COPS2: variants seen among roughly 807,000 people sequenced by gnomAD.
COPS2 encodes COP9 signalosome complex subunit 2.
Under a neutral mutation model 66.1 loss-of-function variants are expected in COPS2, and 10 were observed. The observed-to-expected ratio is 0.15, with a 90% CI of 0.09 to 0.26. COPS2 has a LOEUF of 0.26. Ranked by LOEUF, COPS2 falls within the 10% of genes least tolerant of loss-of-function variation. The pLI is 1.00. For synonymous variants in COPS2, 179 were observed against 171.3 expected (o/e 1.04, Z -0.35); for missense variants, 215 against 513.3 (o/e 0.42, Z 5.62).
chr15:49,129,672 G>A (rs2084194926), intron 10 of COPS2, 113 bp from the exon 11 acceptor site: 2 of 448,782 alleles, frequency 4.5e-6, no homozygotes, highest in Non-Finnish European at 7.8e-6. Context: ...GCTTGGCAAT[G>A]ATATAAAGTG....
intron 5 of COPS2, 54 bp downstream of exon 5, chr15:49,137,294 T>C: frequency 3.2e-6 from 5 of 1,539,640 alleles, no homozygotes; most frequent in Non-Finnish European, 4.5e-6. Flanking sequence ...GGAGACTTTA[T>C]TAAAAACACC....
At chr15:49,145,130 C>G (rs768946226) in intron 1 of COPS2, 52 bp from the exon 2 acceptor site, 5 of 942,776 alleles carry the variant, frequency 5.3e-6, no homozygotes, top group Admixed American at 2.6e-5. Context: ...GAAACCCACA[C>G]GTAGCAACGT....
intron 4 of COPS2, among the ~76,000 whole-genome samples, chr15:49,138,227 C>G (rs2084267283): frequency 6.6e-6 from 1 of 152,298 alleles, no homozygotes; most frequent in Non-Finnish European, 1.5e-5. Context: ...CCTCTTCCCC[C>G]CGCTTCTGGC....
chr15:49,130,025 G>A (rs993922121), intron 10 of COPS2, among the ~76,000 whole-genome samples: 11 of 152,154 alleles, frequency 7.2e-5, no homozygotes, highest in African/African-American at 1.2e-4. Context: ...AAGATTCTAC[G>A]TTTTTCTATA....
In COPS2 at chr15:49,137,135, A is replaced by G; in HGVS notation, c.540+15T>C. The G allele has an allele frequency of 1.3e-6, 2 of 1,528,638 alleles. No individual in the cohort carries two copies. The highest frequency in any genetic ancestry group is 1.8e-6 in the Non-Finnish European group (2 of 1,131,122). 94.7% of individuals were successfully genotyped at this position (1,528,638 alleles called of 1,614,324 possible). The stretch of plus-strand genomic sequence containing the variant: ...ATTATGAAGAAATATTCAGAAAAAA[A>G]TAAGGGAAAGCTACCTGGCACGACT... On this transcript the variant is annotated intron_variant, in intron 6 of 12. Coordinates refer to ENST00000388901, the MANE Select transcript of COPS2 (RefSeq NM_004236.4).
At chr15:49,153,273 A>G (rs954175325) in intron 1 of COPS2, among the ~76,000 whole-genome samples, 1 of 151,996 alleles carries the variant, frequency 6.6e-6, no homozygotes, top group East Asian at 1.9e-4. Flanking sequence ...AAATATATAC[A>G]TGTGTAAATA....
chr15:49,132,700 T>A (rs1236032008), intron 9 of COPS2, among the ~76,000 whole-genome samples: 3 of 152,080 alleles, frequency 2.0e-5, no homozygotes, highest in African/African-American at 7.2e-5. Context: ...TATACTTTTT[T>A]AATGAATAAA....
rs2084152070 is a variant in COPS2 at position 49,124,784 on chromosome 15, A to G, written c.*3166T>C. ...TTCAAAAATCTAAATCAAAAGAGAA[A>G]TTTTCAGGTTTAAAAGTGACTAAAA... On this transcript the variant is annotated 3_prime_UTR_variant, in exon 13 of 13. Transcript: ENST00000388901. 2 of 152,150 alleles carry G rather than the reference A, an allele frequency of 1.3e-5. No individual in the cohort carries two copies. The highest frequency in any genetic ancestry group is 4.1e-4 in the South Asian group (2 of 4,824). 9.4% of individuals were successfully genotyped at this position (152,150 alleles called of 1,614,324 possible). A position where few individuals can be genotyped will look rare whatever the true frequency, so the allele number is the denominator to read the frequency against.
chr15:49,133,877 A>T, intron 8 of COPS2, 53 bp downstream of exon 8: 1 of 1,551,258 alleles, frequency 6.4e-7, no homozygotes, highest in East Asian at 2.3e-5. Flanking sequence ...AAAAGAAATA[A>T]CATTTATTTC....
At chr15:49,138,025 A>G (rs2141127339) in intron 4 of COPS2, among the ~76,000 whole-genome samples, 1 of 152,302 alleles carries the variant, frequency 6.6e-6, no homozygotes, top group East Asian at 1.9e-4. Flanking sequence ...TTCCCTCAAA[A>G]TTCTTCTATA....
chr15:49,153,042 A>G (rs1001384901), intron 1 of COPS2, among the ~76,000 whole-genome samples: 10 of 152,224 alleles, frequency 6.6e-5, no homozygotes, highest in African/African-American at 2.4e-4. Flanking sequence ...CAGTGCTAAT[A>G]AGTTATGTAT....
Position 49,129,552 on chromosome 15 carries a change from C to T in COPS2, c.1053G>A (p.Leu351=), listed in dbSNP as rs1235957363. 5.3e-6 allele frequency: 8 copies of T among 1,495,396 alleles called. No individual in the cohort carries two copies. The highest frequency in any genetic ancestry group is 8.9e-7 in the Non-Finnish European group (1 of 1,117,322). 92.6% of individuals were successfully genotyped at this position (1,495,396 alleles called of 1,614,324 possible). A position where few individuals can be genotyped will look rare whatever the true frequency, so the allele number is the denominator to read the frequency against. The change falls in exon 11 of 13, where the codon TTG becomes TTA. Residue 351 remains leucine, a synonymous_variant. Coordinates refer to ENST00000388901, the MANE Select transcript of COPS2 (RefSeq NM_004236.4). ...TAAGCACTTGTGTTCTGATGTTTCG[C>T]AAAAGCTCTGAAAGACAAAAAATTA... is the stretch of plus-strand genomic sequence containing the variant. ...PFIREHIEEL[L]RNIRTQVLIK...
At position 49,153,158 on chromosome 15, in the gene COPS2, G is replaced by A. The variant is rs77210707; in HGVS notation, c.54+2367C>T. On this transcript the variant is annotated intron_variant, in intron 1 of 12. Transcript: ENST00000388901. ...AGATGACATACAGCTGGGCATGGTG[G>A]CACGTGCCAGTAGTCTCAGCTACTT... 7.0e-4 allele frequency among the ~76,000 whole-genome samples: 106 copies of A among 152,256 alleles called. No homozygotes were observed. The East Asian group carries it at 0.018, about 26-fold the overall frequency.
Position 49,125,559 on chromosome 15 carries a change from G to A in COPS2, c.*2391C>T, listed in dbSNP as rs1338869197. 3 of 151,948 alleles carry A rather than the reference G, an allele frequency of 2.0e-5. No individual in the cohort carries two copies. The highest frequency in any genetic ancestry group is 2.1e-4 in the South Asian group (1 of 4,830). 9.4% of individuals were successfully genotyped at this position (151,948 alleles called of 1,614,324 possible). On this transcript the variant is annotated 3_prime_UTR_variant, in exon 13 of 13. Transcript: ENST00000388901. Reference sequence around the variant, plus strand: ...TTAACTTCCCCTAAATTTATATTTCGATAAGCAATCTCTAAGATTTCAACT... The same window carrying A: ...TTAACTTCCCCTAAATTTATATTTCAATAAGCAATCTCTAAGATTTCAACT...
At chr15:49,154,630 A>C (rs1183438664) in intron 1 of COPS2, among the ~76,000 whole-genome samples, 3 of 152,218 alleles carry the variant, frequency 2.0e-5, no homozygotes, top group Non-Finnish European at 2.9e-5. Flanking sequence ...AAACACAGCA[A>C]AATTGACGTT....
chr15:49,142,131 A>C (rs1435787793), intron 3 of COPS2, among the ~76,000 whole-genome samples: 2 of 152,242 alleles, frequency 1.3e-5, no homozygotes, highest in Admixed American at 6.5e-5. Context: ...CAGAAAATGG[A>C]AAGAAAGCAT....
chr15:49,124,757 A>C lies in COPS2; in HGVS notation c.*3193T>G, dbSNP rs2084151781. 1 of 152,194 alleles carries C rather than the reference A, an allele frequency of 6.6e-6. No homozygotes were observed. The highest frequency in any genetic ancestry group is 1.5e-5 in the Non-Finnish European group (1 of 68,024). The allele number at this position is 152,194 out of a possible 1,614,324, so 9.4% of individuals were successfully genotyped here. A position where few individuals can be genotyped will look rare whatever the true frequency, so the allele number is the denominator to read the frequency against. Reference sequence around the variant, plus strand: ...CTTTACTTGTGTATGCTCAAGCCTCACTTCAAAAATCTAAATCAAAAGAGA... The same window carrying C: ...CTTTACTTGTGTATGCTCAAGCCTCCCTTCAAAAATCTAAATCAAAAGAGA... On this transcript the variant is annotated 3_prime_UTR_variant, in exon 13 of 13. Coordinates refer to ENST00000388901, the MANE Select transcript of COPS2 (RefSeq NM_004236.4).
intron 10 of COPS2, among the ~76,000 whole-genome samples, chr15:49,130,223 C>A (rs1177466703): frequency 6.6e-6 from 1 of 152,004 alleles, no homozygotes; most frequent in Non-Finnish European, 1.5e-5. Flanking sequence ...AAAAGAAGTC[C>A]AAGAGCAAAG....
At chr15:49,137,556 C>G in intron 4 of COPS2, 119 bp from the exon 5 acceptor site, 4 of 698,958 alleles carry the variant, frequency 5.7e-6, no homozygotes, top group Non-Finnish European at 9.8e-6. Flanking sequence ...GATACACTAT[C>G]TGTATCTTAC....
Sources: gnomAD v4.1 joint callset for allele counts (sites outside exome capture counted in the v4.1 genomes callset) on GRCh38, gnomAD v4.1.1 for gene constraint, MANE v1.5 for transcripts, NCBI Gene and HGNC (gene_info 2026-07-23, HGNC 2026-07-21) for gene names.